Variants in ATP13A3 observed in about 807,000 individuals in gnomAD.
The protein encoded by ATP13A3 is polyamine-transporting ATPase 13A3.
ATP13A3 carries 59 observed loss-of-function variants against 158.1 expected under a neutral mutation model. The observed-to-expected ratio is 0.37, with a 90% CI of 0.30 to 0.46. ATP13A3 has a LOEUF of 0.46. Ranked by LOEUF, ATP13A3 falls within the 20% of genes least tolerant of loss-of-function variation. The probability of loss-of-function intolerance (pLI) is 1.00; values close to 1 mark genes in which losing one functional copy is unlikely to be tolerated. For missense variants in ATP13A3, 1,166 were observed against 1,525.2 expected, an observed-to-expected ratio of 0.76 and a Z score of 3.92; for synonymous variants, 491 against 504.3, an observed-to-expected ratio of 0.97 and a Z score of 0.35.
At chr3:194,461,915 A>T (rs1719692318) in intron 3 of ATP13A3, among the ~76,000 whole-genome samples, 1 of 152,204 alleles carries the variant, frequency 6.6e-6, no homozygotes. Flanking sequence ...GCAAAAACAT[A>T]CTTCTTCTCA....
chr3:194,485,698 G>A (rs1229541966), intron 2 of ATP13A3, 96 bp downstream of exon 2: 9 of 152,066 alleles, frequency 5.9e-5, no homozygotes, highest in African/African-American at 1.7e-4. Flanking sequence ...CTAGGTGTAC[G>A]ACTCCACACC....
chr3:194,485,130 C>G (rs7629456), intron 2 of ATP13A3, among the ~76,000 whole-genome samples: 16,410 of 152,028 alleles, frequency 0.11, 1,123 homozygotes, highest in South Asian at 0.27. Context: ...CAAAGCCAGG[C>G]ATTGTTGTTC....
intron 30 of ATP13A3, among the ~76,000 whole-genome samples, chr3:194,423,681 T>C (rs1340530031): frequency 6.6e-6 from 1 of 152,240 alleles, no homozygotes; most frequent in Non-Finnish European, 1.5e-5. Context: ...AGTACATTTT[T>C]AAATCATCCA....
chr3:194,488,178 C>T (rs1284169368), upstream of ATP13A3: 1 of 152,352 alleles, frequency 6.6e-6, no homozygotes, highest in Non-Finnish European at 1.5e-5. This position sits in a 1 kb window ranked among gnomAD's most constrained non-coding sequence, Gnocchi z 4.1. Flanking sequence ...CTGGCCTCAC[C>T]GTTTTGTTTC....
chr3:194,450,477 C>CTAG (rs1718728900), intron 10 of ATP13A3: 8 of 527,634 alleles, frequency 1.5e-5, no homozygotes, highest in Non-Finnish European at 2.7e-5. Flanking sequence ...TAGTCTCCTG[C>CTAG]TAGGACACCA....
chr3:194,483,426 CA>C (rs1228588078), intron 2 of ATP13A3, among the ~76,000 whole-genome samples: 54 of 120,318 alleles, frequency 4.5e-4, no homozygotes, highest in South Asian at 1.1e-3. Flanking sequence ...CCCACCTCTA[CA>C]AAAAAAAAAA....
chr3:194,482,834 G>A (rs1311848854), intron 2 of ATP13A3, among the ~76,000 whole-genome samples: 8 of 152,042 alleles, frequency 5.3e-5, no homozygotes, highest in African/African-American at 7.2e-5. Context: ...AAGGCCGGGC[G>A]TGGTGGCTCA....
chr3:194,428,910 C>A lies in ATP13A3; in HGVS notation c.2882G>T (p.Ser961Ile). 6.3e-7 allele frequency: 1 copy of A among 1,576,424 alleles called. No homozygotes were observed. The highest frequency in any genetic ancestry group is 1.8e-5 in the Admixed American group (1 of 56,826). ...FSVTLLYSIL[S>I]NLGDFQFLFI... is the part of the protein sequence containing the mutation. Reference sequence around the variant, plus strand: ...GAGAAACTGGAAGTCTCCTAGGTTACTTAAGATCTACAGAAGTAATTTTAA... The same window carrying A: ...GAGAAACTGGAAGTCTCCTAGGTTAATTAAGATCTACAGAAGTAATTTTAA... Residue 961 changes from serine to isoleucine, a missense_variant, in exon 28 of 34, where the codon AGT (serine) becomes ATT (isoleucine). By Grantham distance (142) the Ser-to-Ile change is moderately radical. Around this residue, in one of 3 missense-constraint regions of ATP13A3, gnomAD observed 997 missense variants for 1,341.2 expected, o/e 0.74. Coordinates refer to ENST00000645319, the MANE Select transcript of ATP13A3 (RefSeq NM_001367549.1).
chr3:194,454,185 C>T (rs1719029820), intron 9 of ATP13A3, 73 bp downstream of exon 9: 1 of 1,376,980 alleles, frequency 7.3e-7, no homozygotes, highest in Non-Finnish European at 1.0e-6. Flanking sequence ...GTGCTGAGTA[C>T]TATTCTACAC....
intron 14 of ATP13A3, among the ~76,000 whole-genome samples, chr3:194,445,924 TTCA>T (rs1718370026): frequency 6.6e-6 from 1 of 152,206 alleles, no homozygotes; most frequent in Non-Finnish European, 1.5e-5. Context: ...ATCAGTGACC[TTCA>T]TAATTCTTAA....
upstream of ATP13A3, among the ~76,000 whole-genome samples, chr3:194,489,983 C>A (rs1462985251): frequency 2.0e-5 from 3 of 152,072 alleles, no homozygotes; most frequent in African/African-American, 7.2e-5. The surrounding 1 kb of genome is among the most constrained non-coding windows in gnomAD (Gnocchi z 4.1). Flanking sequence ...CCCACTGCTT[C>A]CCCCCTCTGA....
intron 13 of ATP13A3, 27 bp from the exon 14 acceptor site, chr3:194,447,142 A>C: frequency 1.2e-5 from 19 of 1,556,478 alleles, no homozygotes; most frequent in Non-Finnish European, 1.6e-5. Flanking sequence ...AATAAATGTC[A>C]AATCCCCAGT....
chr3:194,444,034 C>T (rs1718226982), intron 15 of ATP13A3, among the ~76,000 whole-genome samples: 1 of 152,084 alleles, frequency 6.6e-6, no homozygotes, highest in South Asian at 2.1e-4. Context: ...CATATCCATC[C>T]ATCTGGCAAA....
At chr3:194,406,225 G>A in intron 33 of ATP13A3, 109 bp from the exon 34 acceptor site, 1 of 1,169,276 alleles carries the variant, frequency 8.6e-7, no homozygotes, top group Non-Finnish European at 1.2e-6. Context: ...AAGAGGAAAT[G>A]ACTTCTGAGC....
chr3:194,436,882 C>T (rs1278128522), intron 20 of ATP13A3, among the ~76,000 whole-genome samples: 1 of 151,970 alleles, frequency 6.6e-6, no homozygotes, highest in East Asian at 1.9e-4. Flanking sequence ...AGCCTAGGTA[C>T]GGGGTGAGAC....
At position 194,412,330 on chromosome 3, in the gene ATP13A3, G is replaced by A. The variant is rs895111813; in HGVS notation, c.3484-42C>T. On this transcript the variant is annotated intron_variant, in intron 32 of 33. Transcript: ENST00000645319. ...TGAGTTAAGAATTAATAATGACTAA[G>A]TCATTTTTTATTAATGTGCACCTTT... 12 of 1,442,902 alleles carry A rather than the reference G, an allele frequency of 8.3e-6. No homozygotes were observed. In the African/African-American group the frequency reaches 1.5e-4, roughly 19 times the overall value. 89.4% of individuals were successfully genotyped at this position (1,442,902 alleles called of 1,614,324 possible).
chr3:194,437,245 T>A, intron 19 of ATP13A3, 30 bp from the exon 20 acceptor site: 3 of 1,613,842 alleles, frequency 1.9e-6, no homozygotes, highest in Non-Finnish European at 2.5e-6. Context: ...AATTTCATTG[T>A]TAGAGTTGCT....
chr3:194,451,868 T>C (rs1324119708), intron 10 of ATP13A3: 1 of 152,378 alleles, frequency 6.6e-6, no homozygotes, highest in Non-Finnish European at 1.5e-5. Context: ...TGGCCTCATA[T>C]CCAATGAGTC....
chr3:194,441,478 C>G lies in ATP13A3; in HGVS notation c.1560-17G>C, dbSNP rs1343641649. On this transcript the variant is annotated splice_polypyrimidine_tract_variant and intron_variant, in intron 15 of 33. Coordinates refer to ENST00000645319, the MANE Select transcript of ATP13A3 (RefSeq NM_001367549.1). ...GAAAGAAATCTAAGCAGAAGACACA[C>G]TGAATTAGTTTCATAAATTCTAAGA... 1.2e-6 allele frequency: 2 copies of G among 1,604,666 alleles called. No homozygotes were observed. The highest frequency in any genetic ancestry group is 1.1e-5 in the South Asian group (1 of 90,392).
Sources: allele counts gnomAD v4.1 joint callset (sites outside exome capture counted in the v4.1 genomes callset), GRCh38; gene constraint gnomAD v4.1.1; regional missense constraint gnomAD v4.1.1; non-coding constraint Gnocchi (gnomAD v3.1); transcripts MANE v1.5; gene names NCBI Gene and HGNC (gene_info 2026-07-23, HGNC 2026-07-21).